ANKRD62: variants seen among roughly 807,000 people sequenced by gnomAD.
ANKRD62 encodes ankyrin repeat domain-containing protein 62.
In ANKRD62, 61 loss-of-function variants were observed where a neutral mutation model predicts 98.8. The ratio of observed to expected loss-of-function variants is 0.62; its 90% CI spans 0.50 to 0.76. The LOEUF (loss-of-function observed/expected upper bound fraction) is 0.76, where lower values mean the gene tolerates loss of function less well. Among genes scored for constraint, ANKRD62 ranks in the 30% least tolerant of loss-of-function variants. The pLI, the probability that ANKRD62 is intolerant of heterozygous loss-of-function variation, is 0.00. For synonymous variants in ANKRD62, 341 were observed against 367.9 expected (o/e 0.93, Z 0.84); for missense variants, 933 against 1,082.9 (o/e 0.86, Z 1.94).
chr18:12,146,443 G>C, the ANKRD62 span, among the ~76,000 whole-genome samples: 1 of 151,898 alleles, frequency 6.6e-6, no homozygotes. Flanking sequence ...AGACTTTTTT[G>C]GGGGGGCGTG....
chr18:12,167,459 A>G, the ANKRD62 span, among the ~76,000 whole-genome samples: 3 of 152,210 alleles, frequency 2.0e-5, no homozygotes, highest in Non-Finnish European at 1.5e-5. Context: ...TACAAAGGAC[A>G]TGAACTCATC....
the ANKRD62 span, among the ~76,000 whole-genome samples, chr18:12,167,660 A>C: frequency 6.6e-6 from 1 of 152,286 alleles, no homozygotes. Context: ...CAGTAATAGG[A>C]TCACTAGGTC....
intron 13 of ANKRD62, among the ~76,000 whole-genome samples, chr18:12,126,742 A>G (rs927476589): frequency 2.6e-5 from 4 of 152,244 alleles, no homozygotes; most frequent in Admixed American, 6.5e-5. Flanking sequence ...ATTCATACCT[A>G]AAGTGTTATT....
At chr18:12,145,929 G>A in the ANKRD62 span, among the ~76,000 whole-genome samples, 1 of 150,720 alleles carries the variant, frequency 6.6e-6, no homozygotes, top group African/African-American at 2.4e-5. Flanking sequence ...CACTTTGTAG[G>A]ACCTCCCAAA....
the ANKRD62 span, among the ~76,000 whole-genome samples, chr18:12,146,615 T>G: frequency 1.3e-5 from 2 of 151,964 alleles, no homozygotes; most frequent in African/African-American, 4.8e-5. Flanking sequence ...CCAGCTAATT[T>G]TTGGAGTTTT....
Position 12,107,402 on chromosome 18 carries a change from C to T in ANKRD62, c.999C>T (p.His333=). ...NYNDDVDELI[H]KIKNRKPDNH... ...ATGATGATGTTGATGAATTAATTCACAAAATAAAGAACAGAAAACCTGATA... is the reference window on the plus strand; with the variant it reads ...ATGATGATGTTGATGAATTAATTCATAAAATAAAGAACAGAAAACCTGATA... The change falls in exon 8 of 14, where the codon CAC becomes CAT. Residue 333 remains histidine, a synonymous_variant. Coordinates refer to ENST00000587848, the MANE Select transcript of ANKRD62 (RefSeq NM_001277333.2). 2 of 1,524,370 alleles carry T rather than the reference C, an allele frequency of 1.3e-6. No individual in the cohort carries two copies. The highest frequency in any genetic ancestry group is 2.4e-5 in the South Asian group (2 of 81,886). 94.4% of individuals were successfully genotyped at this position (1,524,370 alleles called of 1,614,324 possible). A position where few individuals can be genotyped will look rare whatever the true frequency, so the allele number is the denominator to read the frequency against.
At chr18:12,150,597 A>G in the ANKRD62 span, among the ~76,000 whole-genome samples, 1 of 152,232 alleles carries the variant, frequency 6.6e-6, no homozygotes, top group Non-Finnish European at 1.5e-5. Context: ...GGCTAACAGT[A>G]GACATCTTAG....
At chr18:12,113,856 A>G (rs879318620) in intron 8 of ANKRD62, among the ~76,000 whole-genome samples, 1 of 152,248 alleles carries the variant, frequency 6.6e-6, no homozygotes, top group South Asian at 2.1e-4. Context: ...TCATTGCAGT[A>G]CTATTCACAA....
chr18:12,161,183 T>C, the ANKRD62 span, among the ~76,000 whole-genome samples: 1 of 152,190 alleles, frequency 6.6e-6, no homozygotes, highest in Non-Finnish European at 1.5e-5. Flanking sequence ...ATCTGAGTCT[T>C]AAAACATTTG....
chr18:12,146,450 CGT>C, the ANKRD62 span, among the ~76,000 whole-genome samples: 770 of 152,090 alleles, frequency 5.1e-3, 4 homozygotes, highest in African/African-American at 0.017. Context: ...TTTGGGGGGG[CGT>C]GTGTGTGTTT....
the ANKRD62 span, among the ~76,000 whole-genome samples, chr18:12,137,951 T>C: frequency 1.3e-5 from 2 of 152,212 alleles, no homozygotes; most frequent in African/African-American, 4.8e-5. Context: ...TCTTTATTAG[T>C]CTTGCTAGCG....
At chr18:12,119,778 T>C (rs1909746389) in intron 10 of ANKRD62, among the ~76,000 whole-genome samples, 1 of 152,060 alleles carries the variant, frequency 6.6e-6, no homozygotes, top group Non-Finnish European at 1.5e-5. Flanking sequence ...ATTTTCATTT[T>C]CTTAAGGTAG....
intron 1 of ANKRD62, among the ~76,000 whole-genome samples, chr18:12,094,709 T>G (rs969296175): frequency 3.9e-5 from 1 of 25,680 alleles, no homozygotes; most frequent in Non-Finnish European, 6.9e-5. Flanking sequence ...GGGACTGTGG[T>G]GGGGGTAGAG....
the ANKRD62 span, among the ~76,000 whole-genome samples, chr18:12,156,240 A>G: frequency 6.6e-6 from 1 of 152,096 alleles, no homozygotes; most frequent in Non-Finnish European, 1.5e-5. Flanking sequence ...AGAACCATAA[A>G]CCAAATACAT....
chr18:12,139,411 G>T, the ANKRD62 span, among the ~76,000 whole-genome samples: 1 of 152,102 alleles, frequency 6.6e-6, no homozygotes, highest in Non-Finnish European at 1.5e-5. Context: ...TTGGGAGGTT[G>T]AGGAGGGCGG....
chr18:12,099,696 T>C lies in ANKRD62; in HGVS notation c.820+14T>C. The C allele has an allele frequency of 1.4e-6, 2 of 1,419,092 alleles. No homozygotes were observed. Among genetic ancestry groups the C allele is most frequent in the Non-Finnish European group, 1.9e-6 (2 of 1,070,828 alleles). The allele number at this position is 1,419,092 out of a possible 1,614,324, so 87.9% of individuals were successfully genotyped here. A position where few individuals can be genotyped will look rare whatever the true frequency, so the allele number is the denominator to read the frequency against. ...ATAGCAATTCAGGTATGACTTCTGA[T>C]AGTGAATTCCTCTCGATGGTCCTGT... On this transcript the variant is annotated intron_variant, in intron 6 of 13. Coordinates refer to ENST00000587848, the MANE Select transcript of ANKRD62 (RefSeq NM_001277333.2).
the ANKRD62 span, among the ~76,000 whole-genome samples, chr18:12,170,314 G>A: frequency 4.6e-5 from 7 of 152,130 alleles, no homozygotes; most frequent in South Asian, 2.1e-4. Context: ...TGTCCCAGAG[G>A]TTCTGGTATG....
At chr18:12,119,323 T>G (rs1255922600) in intron 10 of ANKRD62, among the ~76,000 whole-genome samples, 1 of 148,758 alleles carries the variant, frequency 6.7e-6, no homozygotes, top group Non-Finnish European at 1.5e-5. Context: ...TCTCCCAAAG[T>G]GTTTGGTGTT....
intron 6 of ANKRD62, 32 bp from the exon 7 acceptor site, chr18:12,103,126 C>T (rs1909341460): frequency 4.5e-6 from 6 of 1,320,536 alleles, no homozygotes; most frequent in Non-Finnish European, 5.9e-6. Context: ...CTAAGTAGTT[C>T]ATTTTAACTA....
Sources: gnomAD v4.1 joint callset for allele counts (sites outside exome capture counted in the v4.1 genomes callset) on GRCh38, gnomAD v4.1.1 for gene constraint, MANE v1.5 for transcripts, NCBI Gene and HGNC (gene_info 2026-07-23, HGNC 2026-07-21) for gene names.